The following NUDCD1 variants were observed in gnomAD, a reference collection of about 807,000 sequenced individuals.
The protein encoded by NUDCD1 is nudC domain-containing protein 1.
In NUDCD1, 60 loss-of-function variants were observed where a neutral mutation model predicts 67.8. The observed-to-expected ratio is 0.88, with a 90% CI of 0.72 to 1.10. The LOEUF is 1.10. Ranked by LOEUF, NUDCD1 falls within the 50% of genes least tolerant of loss-of-function variation. NUDCD1 has a pLI of 0.00. For missense variants in NUDCD1, 643 were observed against 695.0 expected (o/e 0.93, Z 0.84); for synonymous variants, 244 against 230.8 (o/e 1.06, Z -0.52).
chr8:109,334,046 C>G lies in NUDCD1; in HGVS notation c.-36G>C. 1.2e-6 allele frequency: 2 copies of G among 1,613,246 alleles called. No homozygotes were observed. The highest frequency in any genetic ancestry group is 1.7e-6 in the Non-Finnish European group (2 of 1,179,504). On this transcript the variant is annotated 5_prime_UTR_variant, in exon 1 of 10. Coordinates refer to ENST00000239690, the MANE Select transcript of NUDCD1 (RefSeq NM_032869.4). ...GGCCGCAGCGTGAGAATTAATAAAGCCCTTGTTGAAAGGTCCGCGCTTCAC... is the reference window on the plus strand; with the variant it reads ...GGCCGCAGCGTGAGAATTAATAAAGGCCTTGTTGAAAGGTCCGCGCTTCAC...
At chr8:109,267,023 C>T (rs948458494) in intron 8 of NUDCD1, among the ~76,000 whole-genome samples, 3 of 152,112 alleles carry the variant, frequency 2.0e-5, no homozygotes, top group Non-Finnish European at 4.4e-5. Context: ...AAATTTCAAA[C>T]ATTGTATGAG....
chr8:109,327,147 G>A (rs954709083), intron 1 of NUDCD1, among the ~76,000 whole-genome samples: 1 of 152,150 alleles, frequency 6.6e-6, no homozygotes, highest in Admixed American at 6.6e-5. Context: ...TACTGAGCTT[G>A]CTATTTATCT....
intron 1 of NUDCD1, 139 bp downstream of exon 1, chr8:109,333,754 A>G: frequency 1.1e-6 from 1 of 878,598 alleles, no homozygotes. Context: ...CCCCAGAAGC[A>G]GCGGCCTCCG....
In NUDCD1 at chr8:109,242,083, T is replaced by C; in HGVS notation, c.*926A>G. On this transcript the variant is annotated 3_prime_UTR_variant, in exon 10 of 10. Transcript: ENST00000239690. ...AATTTGTCCTTGTGTGGTAAGATTG[T>C]TCCATCAATGGCCCCCAATGAGTCA... The C allele has an allele frequency of 2.5e-6, 1 of 398,186 alleles. No individual in the cohort carries two copies. The highest frequency in any genetic ancestry group is 1.3e-4 in the South Asian group (1 of 7,854). The allele number at this position is 398,186 out of a possible 1,614,324, so 24.7% of individuals were successfully genotyped here.
intron 8 of NUDCD1, among the ~76,000 whole-genome samples, chr8:109,253,549 C>T (rs1208521868): frequency 6.6e-6 from 1 of 152,086 alleles, no homozygotes; most frequent in Non-Finnish European, 1.5e-5. Flanking sequence ...AGATTGTTTC[C>T]ACTGTTCCTC....
At chr8:109,269,201 A>C (rs1414032998) in intron 8 of NUDCD1, among the ~76,000 whole-genome samples, 1 of 152,202 alleles carries the variant, frequency 6.6e-6, no homozygotes, top group Admixed American at 6.5e-5. Flanking sequence ...AATGTCATAC[A>C]TGTGCTTTTT....
intron 2 of NUDCD1, among the ~76,000 whole-genome samples, chr8:109,319,173 T>C (rs183148254): frequency 6.6e-6 from 1 of 151,954 alleles, no homozygotes; most frequent in Non-Finnish European, 1.5e-5. Flanking sequence ...CAGGGTTTCA[T>C]CGTGTCAGCC....
rs1563670096 is a variant in NUDCD1, at chr8:109,281,109, T to C, written c.887A>G (p.Asp296Gly). 2.5e-6 allele frequency: 4 copies of C among 1,613,564 alleles called. No homozygotes were observed. The highest frequency in any genetic ancestry group is 2.5e-6 in the Non-Finnish European group (3 of 1,179,610). The change falls in exon 6 of 10, where the codon GAC becomes GGC. Residue 296 changes from aspartate to glycine, a missense_variant. By Grantham distance (94) the Asp-to-Gly change is moderately conservative. Transcript: ENST00000239690. ...DLTVTIRLPEDSTKEDIQIQF... is the reference protein window; with the variant it reads ...DLTVTIRLPEGSTKEDIQIQF... ...TATTTGAATGTCCTCCTTAGTACTG[T>C]CTTCTGGAAGCCGTATGGTTACTGT...
At chr8:109,305,609 G>A (rs943327785) in intron 2 of NUDCD1, among the ~76,000 whole-genome samples, 3 of 152,096 alleles carry the variant, frequency 2.0e-5, no homozygotes, top group Non-Finnish European at 1.5e-5. Context: ...TTATATGGAT[G>A]CAGTTTCTTG....
chr8:109,273,068 A>T (rs953599569), intron 7 of NUDCD1, among the ~76,000 whole-genome samples: 9 of 152,192 alleles, frequency 5.9e-5, no homozygotes, highest in African/African-American at 2.2e-4. Flanking sequence ...GAGACAAGGA[A>T]ATTGCAGAGA....
rs1416419269 is a variant in NUDCD1, at chr8:109,245,483, T to C, written c.1300-2A>G. On this transcript the variant is annotated splice_acceptor_variant, in intron 8 of 9. Coordinates refer to ENST00000239690, the MANE Select transcript of NUDCD1 (RefSeq NM_032869.4). LOFTEE classifies it high-confidence loss of function. ...GTACTGGTTGCTTCCAAGATTCACC[T>C]AAAAAGTGATTTAAAAAAAAATTTA... 1 of 1,584,330 alleles carries C rather than the reference T, an allele frequency of 6.3e-7. No individual in the cohort carries two copies. The highest frequency in any genetic ancestry group is 8.6e-7 in the Non-Finnish European group (1 of 1,166,068).
At chr8:109,319,712 C>A (rs1488654503) in intron 2 of NUDCD1, among the ~76,000 whole-genome samples, 1 of 152,100 alleles carries the variant, frequency 6.6e-6, no homozygotes, top group Non-Finnish European at 1.5e-5. Flanking sequence ...ATACAAAGTG[C>A]TGTAAGACAA....
chr8:109,327,746 T>C (rs1399316700), intron 1 of NUDCD1, among the ~76,000 whole-genome samples: 1 of 152,200 alleles, frequency 6.6e-6, no homozygotes, highest in East Asian at 1.9e-4. Flanking sequence ...CTGCCAGAAG[T>C]TATCTCCTGT....
Position 109,311,559 on chromosome 8 carries a change from G to GTATATATATATATATATA in NUDCD1, c.273+10749_273+10750insTATATATATATATATATA, listed in dbSNP as rs1554617136. Among the ~76,000 whole-genome samples the GTATATATATATATATATA allele has an allele frequency of 5.5e-4, 69 of 125,122 alleles. 1 individual carries two copies. The East Asian group carries it at 7.5e-3, about 14-fold the overall frequency. The allele number at this position is 125,122 out of a possible 152,430, so 82.1% of individuals were successfully genotyped here. A position where few individuals can be genotyped will look rare whatever the true frequency, so the allele number is the denominator to read the frequency against. On this transcript the variant is annotated intron_variant, in intron 2 of 9. Transcript: ENST00000239690. ...AATGAGTGGATAAAGAAACTGTGGT[G>GTATATATATATATATATA]TATATATATATATGATGGGATACTG...
intron 6 of NUDCD1, among the ~76,000 whole-genome samples, chr8:109,279,453 T>G (rs942131573): frequency 1.3e-5 from 2 of 152,012 alleles, no homozygotes; most frequent in African/African-American, 2.4e-5. Context: ...TGGCTTATTA[T>G]GAATTTGTAA....
chr8:109,297,246 G>A (rs1197279154), intron 2 of NUDCD1, among the ~76,000 whole-genome samples: 1 of 152,178 alleles, frequency 6.6e-6, no homozygotes, highest in Admixed American at 6.5e-5. Flanking sequence ...TGTTCAAAAT[G>A]CCTACAGAGA....
intron 4 of NUDCD1, among the ~76,000 whole-genome samples, chr8:109,291,112 C>T (rs1206758357): frequency 6.6e-6 from 1 of 152,096 alleles, no homozygotes; most frequent in African/African-American, 2.4e-5. Flanking sequence ...AACCGGATTC[C>T]GTGGTTAAAT....
At chr8:109,249,135 CT>C (rs1355287607) in intron 8 of NUDCD1, among the ~76,000 whole-genome samples, 1 of 152,144 alleles carries the variant, frequency 6.6e-6, no homozygotes, top group Non-Finnish European at 1.5e-5. Flanking sequence ...AATATGGTAA[CT>C]ACTACTCACT....
Position 109,243,248 on chromosome 8 carries a change from A to C in NUDCD1, c.1513T>G (p.Tyr505Asp). The part of the protein sequence containing the change: ...DKKFFACAPN[Y>D]SYAALCECLR... ...CACTCACAAAGGGCTGCATACGAGT[A>C]ATTTGGAGCACAGGCAAAAAATTTT... The change falls in exon 10 of 10, where the codon TAC becomes GAC. Residue 505 changes from tyrosine to aspartate, a missense_variant. Coordinates refer to ENST00000239690, the MANE Select transcript of NUDCD1 (RefSeq NM_032869.4). 6.2e-7 allele frequency: 1 copy of C among 1,607,502 alleles called. No homozygotes were observed. Among genetic ancestry groups the C allele is most frequent in the African/African-American group, 1.3e-5 (1 of 74,934 alleles).
Sources: gnomAD v4.1 joint callset for allele counts (sites outside exome capture counted in the v4.1 genomes callset) on GRCh38, gnomAD v4.1.1 for gene constraint, MANE v1.5 for transcripts, NCBI Gene and HGNC (gene_info 2026-07-23, HGNC 2026-07-21) for gene names.